Variants in DYM observed in about 807,000 individuals in gnomAD.
DYM encodes dyggve-Melchior-Clausen syndrome protein.
A neutral mutation model predicts 93.1 loss-of-function variants in DYM; 78 were observed. That is an observed-to-expected ratio of 0.84 (90% CI 0.70 to 1.01). DYM has a LOEUF of 1.01. DYM is among the 50% of genes least tolerant of loss of function. DYM has a pLI of 0.00. For missense variants in DYM, 789 were observed against 845.0 expected (o/e 0.93, Z 0.82); for synonymous variants, 321 against 319.7 (o/e 1.00, Z -0.04).
chr18:49,455,886 T>C (rs1464926762), intron 1 of DYM, among the ~76,000 whole-genome samples: 1 of 151,552 alleles, frequency 6.6e-6, no homozygotes, highest in Non-Finnish European at 1.5e-5. Flanking sequence ...GAGGCAGAGG[T>C]TGCAGTGAGC....
At chr18:49,379,847 T>C in intron 3 of DYM, 89 bp from the exon 4 acceptor site, 3 of 1,095,748 alleles carry the variant, frequency 2.7e-6, no homozygotes, top group Admixed American at 3.5e-5. Context: ...CCAAATGTCA[T>C]ATTAAAATTG....
At chr18:49,104,879 T>C (rs966674100) in intron 16 of DYM, among the ~76,000 whole-genome samples, 12 of 152,192 alleles carry the variant, frequency 7.9e-5, no homozygotes, top group African/African-American at 2.9e-4. Flanking sequence ...TCTTTTTTTG[T>C]TGTGTCTCCG....
Position 49,257,118 on chromosome 18 carries a change from G to A in DYM, c.1366-14C>T. Reference sequence around the variant, plus strand: ...AAGGTACTTGTCCTGTGAGGAAACAGCGGGTGTAAAACATACAATCAAGTC... The same window carrying A: ...AAGGTACTTGTCCTGTGAGGAAACAACGGGTGTAAAACATACAATCAAGTC... On this transcript the variant is annotated splice_polypyrimidine_tract_variant and intron_variant, in intron 12 of 17. Transcript: ENST00000675505. 6.3e-7 allele frequency: 1 copy of A among 1,598,978 alleles called. No homozygotes were observed. The highest frequency in any genetic ancestry group is 2.2e-5 in the East Asian group (1 of 44,758).
intron 8 of DYM, among the ~76,000 whole-genome samples, chr18:49,289,518 A>G (rs886735464): frequency 7.4e-5 from 11 of 149,032 alleles, no homozygotes; most frequent in African/African-American, 2.7e-4. Flanking sequence ...CCTGGGCAAC[A>G]CAGTGAGACC....
rs368317720 is a variant in DYM, at chr18:49,270,248, T to C, written c.1251+1930A>G. Among the ~76,000 whole-genome samples, 40 of 152,318 alleles carry C rather than the reference T, an allele frequency of 2.6e-4. 1 individual carries two copies. The South Asian group carries it at 8.1e-3, about 31-fold the overall frequency. On this transcript the variant is annotated intron_variant, in intron 11 of 17. Transcript: ENST00000675505. ...GCATGGTTGTATAAACAAAGGAATATTATTCAGCCTTAAAAAAGAAGACCC... is the reference window on the plus strand; with the variant it reads ...GCATGGTTGTATAAACAAAGGAATACTATTCAGCCTTAAAAAAGAAGACCC...
chr18:49,272,004 T>C (rs1001277331), intron 11 of DYM, among the ~76,000 whole-genome samples, 174 bp downstream of exon 11: 4 of 69,292 alleles, frequency 5.8e-5, no homozygotes, highest in Non-Finnish European at 1.0e-4. Flanking sequence ...ATAGTCATTC[T>C]GGAAAAAAAA....
In DYM at chr18:49,079,393, CT is replaced by C. The variant is rs879799565; in HGVS notation, c.2025+18008del. On this transcript the variant is annotated intron_variant, in intron 17 of 17. Coordinates refer to ENST00000675505, the MANE Select transcript of DYM (RefSeq NM_001353214.3). ...ATATTAATGTTACATTGTAGAGATT[CT>C]TTTTTTTTTTTTTTATTTTTATTTT... 6.9e-3 allele frequency among the ~76,000 whole-genome samples: 1,002 copies of C among 145,502 alleles called. 5 individuals are homozygous for C. The highest frequency in any genetic ancestry group is 0.018 in the African/African-American group (706 of 39,414).
rs145426059 is a variant in DYM at position 49,157,174 on chromosome 18, G to A, written c.1728+6511C>T. Among the ~76,000 whole-genome samples the A allele has an allele frequency of 3.9e-3, 601 of 152,268 alleles. 2 individuals carry two copies. The highest frequency in any genetic ancestry group is 6.1e-3 in the Non-Finnish European group (418 of 68,026). ...GTAACTACCCAGATGTTCCCAGACA[G>A]ATTAGAAAATCCTCCGGATGTTGCT... On this transcript the variant is annotated intron_variant, in intron 15 of 17. Transcript: ENST00000675505.
chr18:49,081,002 C>G (rs2077942858), intron 17 of DYM, among the ~76,000 whole-genome samples: 2 of 149,624 alleles, frequency 1.3e-5, no homozygotes, highest in Admixed American at 1.3e-4. Context: ...CGGGCAGAGA[C>G]GCTCCTCACT....
intron 11 of DYM, among the ~76,000 whole-genome samples, chr18:49,259,398 G>A (rs1013462585): frequency 1.3e-5 from 2 of 152,174 alleles, no homozygotes; most frequent in East Asian, 1.9e-4. Flanking sequence ...GTTAAATACC[G>A]TGATGATACA....
At chr18:49,066,816 C>G (rs968110275) in intron 17 of DYM, among the ~76,000 whole-genome samples, 1 of 152,042 alleles carries the variant, frequency 6.6e-6, no homozygotes, top group Non-Finnish European at 1.5e-5. Context: ...ATTGTTACAG[C>G]TTACAAGGTG....
At chr18:49,432,199 T>C (rs1473409477) in intron 1 of DYM, among the ~76,000 whole-genome samples, 1 of 151,756 alleles carries the variant, frequency 6.6e-6, no homozygotes, top group East Asian at 1.9e-4. Context: ...GGCATGGTGG[T>C]GCATGCCTGT....
chr18:49,227,130 A>C (rs1435013391), intron 13 of DYM, among the ~76,000 whole-genome samples: 1 of 152,214 alleles, frequency 6.6e-6, no homozygotes, highest in Non-Finnish European at 1.5e-5. Flanking sequence ...TAGCACATTC[A>C]GCACATTTTA....
intron 2 of DYM, among the ~76,000 whole-genome samples, chr18:49,414,251 G>T (rs1422255622): frequency 6.6e-6 from 1 of 152,106 alleles, no homozygotes; most frequent in South Asian, 2.1e-4. Context: ...GGTGGGGATG[G>T]TTGCACAACC....
intron 8 of DYM, among the ~76,000 whole-genome samples, chr18:49,318,148 C>T (rs1302936674): frequency 1.3e-5 from 2 of 152,194 alleles, no homozygotes; most frequent in Non-Finnish European, 2.9e-5. Context: ...CCTGGAGCCA[C>T]CATTGCTTAC....
At chr18:49,302,778 A>G (rs1343641012) in intron 8 of DYM, among the ~76,000 whole-genome samples, 1 of 152,220 alleles carries the variant, frequency 6.6e-6, no homozygotes, top group Non-Finnish European at 1.5e-5. Flanking sequence ...CCTTACTCAC[A>G]TAACAGAATG....
At chr18:49,081,259 C>T (rs1263921626) in intron 17 of DYM, among the ~76,000 whole-genome samples, 10 of 150,924 alleles carry the variant, frequency 6.6e-5, no homozygotes, top group East Asian at 3.9e-4. Flanking sequence ...CCCGGCACCT[C>T]GGGAGGCCGA....
At chr18:49,381,682 T>C (rs1431498576) in intron 3 of DYM, among the ~76,000 whole-genome samples, 1 of 152,246 alleles carries the variant, frequency 6.6e-6, no homozygotes, top group African/African-American at 2.4e-5. Context: ...CGTTCCCCAG[T>C]GACATCCACT....
intron 15 of DYM, among the ~76,000 whole-genome samples, chr18:49,149,912 T>TTGGC (rs1600156888): frequency 6.6e-6 from 1 of 152,120 alleles, no homozygotes; most frequent in East Asian, 1.9e-4. Flanking sequence ...TTTCACCGTG[T>TTGGC]TGGCCAGGAT....
Sources: gnomAD v4.1 joint callset for allele counts (sites outside exome capture counted in the v4.1 genomes callset) on GRCh38, gnomAD v4.1.1 for gene constraint, MANE v1.5 for transcripts, NCBI Gene and HGNC (gene_info 2026-07-23, HGNC 2026-07-21) for gene names.